The following PKP1 variants were observed in gnomAD, a reference collection of about 807,000 sequenced individuals.
PKP1 encodes plakophilin-1.
PKP1 carries 27 observed loss-of-function variants against 76.4 expected under a neutral mutation model. The ratio of observed to expected loss-of-function variants is 0.35; its 90% CI spans 0.26 to 0.49. The LOEUF is 0.49. PKP1 is among the 20% of genes least tolerant of loss of function. The probability of loss-of-function intolerance (pLI) is 0.99; values close to 1 mark genes in which losing one functional copy is unlikely to be tolerated. For synonymous variants in PKP1, 404 were observed against 384.2 expected (o/e 1.05, Z -0.60); for missense variants, 964 against 955.2 (o/e 1.01, Z -0.12).
chr1:201,321,189 A>C (rs765910176), intron 7 of PKP1, among the ~76,000 whole-genome samples: 17 of 152,154 alleles, frequency 1.1e-4, no homozygotes, highest in Non-Finnish European at 2.4e-4. Context: ...GCCACAGAGG[A>C]GAGCCTTGTC....
chr1:201,311,064 C>G (rs1353878833), intron 2 of PKP1, among the ~76,000 whole-genome samples: 1 of 152,234 alleles, frequency 6.6e-6, no homozygotes, highest in East Asian at 1.9e-4. Flanking sequence ...AGATGACGTC[C>G]AGGCGTGTCG....
intron 9 of PKP1, among the ~76,000 whole-genome samples, chr1:201,323,489 C>T (rs1657011803): frequency 6.6e-6 from 1 of 152,070 alleles, no homozygotes; most frequent in South Asian, 2.1e-4. Context: ...TGCTTGAGGT[C>T]GGGGAATGCG....
In PKP1 at chr1:201,322,030, C is replaced by T. The variant is rs756235980; in HGVS notation, c.1400C>T (p.Ala467Val). The change falls in exon 8 of 14, where the codon GCC becomes GTC. Residue 467 changes from alanine to valine, a missense_variant. Physicochemically the swap from Ala to Val is moderately conservative, Grantham distance 64. Transcript: ENST00000367324. ...CACAACCTCTCCTACCGCCTGGACG[C>T]CGAGGTGCCCACCCGCTACCGCCAG... ...VLHNLSYRLD[A>V]EVPTRYRQLE... 3.7e-6 allele frequency: 6 copies of T among 1,614,040 alleles called. No individual in the cohort carries two copies. In the East Asian group the frequency reaches 1.3e-4, roughly 36 times the overall value.
intron 2 of PKP1, among the ~76,000 whole-genome samples, chr1:201,304,337 C>G (rs1656315424): frequency 6.6e-6 from 1 of 152,218 alleles, no homozygotes; most frequent in Non-Finnish European, 1.5e-5. Flanking sequence ...GTTGTGTGTG[C>G]TCAGTGGTGC....
chr1:201,326,686 C>A (rs1657136704), intron 12 of PKP1, among the ~76,000 whole-genome samples: 1 of 152,128 alleles, frequency 6.6e-6, no homozygotes, highest in African/African-American at 2.4e-5. Context: ...GGATGGGAGT[C>A]CAGGCTGGAG....
At chr1:201,324,919 C>T (rs1419429037) in intron 10 of PKP1, 22 bp from the exon 11 acceptor site, 1 of 1,609,868 alleles carries the variant, frequency 6.2e-7, no homozygotes, top group Admixed American at 1.7e-5. Flanking sequence ...TGACCCTGTG[C>T]CCCAACTCGT....
chr1:201,296,912 T>C (rs1464556982), intron 2 of PKP1, among the ~76,000 whole-genome samples: 2 of 152,256 alleles, frequency 1.3e-5, no homozygotes, highest in Admixed American at 1.3e-4. Context: ...GCTCTAGTTC[T>C]AAATATCAAA....
rs1421127177 is a variant in PKP1, at chr1:201,283,919, C to A, written c.202+15C>A. On this transcript the variant is annotated intron_variant, in intron 1 of 13. Transcript: ENST00000367324. The stretch of plus-strand genomic sequence containing the variant: ...CTCCAATCGAGGTAAAGGCTCGGCC[C>A]CCGCGTGGTCCGTGCGCCCCTTTCC... The A allele has an allele frequency of 1.9e-6, 3 of 1,611,198 alleles. No individual in the cohort carries two copies. In the Admixed American group the frequency reaches 5.0e-5, roughly 27 times the overall value.
intron 1 of PKP1, among the ~76,000 whole-genome samples, chr1:201,291,145 C>T (rs1044609664): frequency 6.6e-6 from 1 of 152,166 alleles, no homozygotes; most frequent in Non-Finnish European, 1.5e-5. Flanking sequence ...GACTTTTCCC[C>T]TCTCTCACCA....
chr1:201,325,978 A>G (rs1237435529), intron 12 of PKP1, 140 bp downstream of exon 12: 14 of 690,046 alleles, frequency 2.0e-5, no homozygotes, highest in South Asian at 1.9e-4. Flanking sequence ...GACAGCGTCT[A>G]CGTGAAAATG....
intron 7 of PKP1, 114 bp from the exon 8 acceptor site, chr1:201,321,864 C>T: frequency 2.4e-6 from 3 of 1,238,176 alleles, no homozygotes; most frequent in Non-Finnish European, 3.5e-6. Context: ...CTGCGCTCAT[C>T]TTTCCCGATG....
chr1:201,329,060 G>T (rs1657233932), intron 13 of PKP1, among the ~76,000 whole-genome samples, 192 bp downstream of exon 13: 1 of 152,198 alleles, frequency 6.6e-6, no homozygotes, highest in African/African-American at 2.4e-5. Flanking sequence ...GACGTTAGGG[G>T]TGTATAATGT....
intron 2 of PKP1, among the ~76,000 whole-genome samples, chr1:201,305,141 C>T (rs575726071): frequency 1.3e-5 from 2 of 152,314 alleles, no homozygotes; most frequent in South Asian, 4.2e-4. Flanking sequence ...AGCATGCATG[C>T]ACGCATGCTT....
intron 10 of PKP1, 94 bp downstream of exon 10, chr1:201,324,675 T>A: frequency 6.8e-7 from 1 of 1,475,018 alleles, no homozygotes; most frequent in Non-Finnish European, 9.4e-7. Flanking sequence ...AGCCATTCCC[T>A]GGGATGAGCA....
chr1:201,316,740 G>A, intron 4 of PKP1, 43 bp downstream of exon 4: 1 of 1,608,452 alleles, frequency 6.2e-7, no homozygotes, highest in Non-Finnish European at 8.5e-7. Flanking sequence ...CCTGCGGAGG[G>A]CCTGGGTGTG....
intron 12 of PKP1, among the ~76,000 whole-genome samples, chr1:201,327,024 G>A (rs564733660): frequency 3.1e-4 from 47 of 152,330 alleles, no homozygotes; most frequent in Middle Eastern, 3.4e-3. Context: ...TGCTTCGGAA[G>A]TCTCTGGAGC....
intron 3 of PKP1, 147 bp from the exon 4 acceptor site, chr1:201,316,406 T>C (rs1656749257): frequency 1.3e-6 from 1 of 747,040 alleles, no homozygotes; most frequent in Non-Finnish European, 2.2e-6. Context: ...CCAGGGGTAT[T>C]CTCCAAGTGG....
chr1:201,326,811 G>C (rs893220815), intron 12 of PKP1, among the ~76,000 whole-genome samples: 1 of 152,256 alleles, frequency 6.6e-6, no homozygotes, highest in Non-Finnish European at 1.5e-5. Context: ...GTATGGAAAA[G>C]TCTTGAAGGA....
chr1:201,283,533 GA>G lies in PKP1; in HGVS notation c.-168del. On this transcript the variant is annotated 5_prime_UTR_variant, in exon 1 of 14. Coordinates refer to ENST00000367324, the MANE Select transcript of PKP1 (RefSeq NM_001005337.3). ...TGCCAGAGAGGGACGAACCAGGGTGGAAGCGCCAGGAGCAGCTGCAGGGAGC... is the reference window on the plus strand; with the variant it reads ...TGCCAGAGAGGGACGAACCAGGGTGGAGCGCCAGGAGCAGCTGCAGGGAGC... 1.2e-5 allele frequency: 8 copies of G among 682,564 alleles called. No individual in the cohort carries two copies. The South Asian group carries it at 1.3e-4, about 11-fold the overall frequency. 42.3% of individuals were successfully genotyped at this position (682,564 alleles called of 1,614,324 possible).
Sources: allele counts gnomAD v4.1 joint callset (sites outside exome capture counted in the v4.1 genomes callset), GRCh38; gene constraint gnomAD v4.1.1; transcripts MANE v1.5; gene names NCBI Gene and HGNC (gene_info 2026-07-23, HGNC 2026-07-21).